The following KCND2 variants were observed in gnomAD, a reference collection of about 807,000 sequenced individuals.
The protein encoded by KCND2 is potassium voltage-gated channel subfamily D member 2, also known as A-type voltage-gated potassium channel KCND2.
KCND2 carries 16 observed loss-of-function variants against 54.4 expected under a neutral mutation model. The observed-to-expected ratio is 0.29, with a 90% CI of 0.20 to 0.45. KCND2 has a LOEUF of 0.45. Ranked by LOEUF, KCND2 falls within the 20% of genes least tolerant of loss-of-function variation. The pLI is 1.00. For missense variants in KCND2, 486 were observed against 824.2 expected (o/e 0.59, Z 5.02); for synonymous variants, 317 against 310.7 (o/e 1.02, Z -0.21).
intron 1 of KCND2, among the ~76,000 whole-genome samples, chr7:120,540,751 C>A (rs1358672343): frequency 6.6e-6 from 1 of 152,030 alleles, no homozygotes; most frequent in African/African-American, 2.4e-5. Context: ...AATAATGGAT[C>A]AAATTTATCA....
chr7:120,461,749 T>TA (rs1195732067), intron 1 of KCND2, among the ~76,000 whole-genome samples: 409 of 151,318 alleles, frequency 2.7e-3, no homozygotes, highest in African/African-American at 8.9e-3. Context: ...TTCATTTTTT[T>TA]AAAAAAAAAC....
chr7:120,559,873 A>G (rs1265291969), intron 1 of KCND2, among the ~76,000 whole-genome samples: 2 of 152,168 alleles, frequency 1.3e-5, no homozygotes, highest in Non-Finnish European at 1.5e-5. Context: ...GCAAGGCCTT[A>G]ATGAATAGTA....
chr7:120,357,213 C>T (rs12706278), intron 1 of KCND2, among the ~76,000 whole-genome samples: 136,296 of 152,168 alleles, frequency 0.9, 61,309 homozygotes, highest in Admixed American at 0.95. Flanking sequence ...AAGCCTCTTT[C>T]ACCTCTAATA....
At chr7:120,391,373 A>G (rs1801074834) in intron 1 of KCND2, among the ~76,000 whole-genome samples, 1 of 152,096 alleles carries the variant, frequency 6.6e-6, no homozygotes, top group African/African-American at 2.4e-5. Flanking sequence ...GCTGCAATAA[A>G]CGTATGTGTG....
chr7:120,523,763 CAAG>C (rs1322514270), intron 1 of KCND2, among the ~76,000 whole-genome samples: 3 of 142,032 alleles, frequency 2.1e-5, no homozygotes, highest in Non-Finnish European at 4.5e-5. Context: ...TTTGGCCTAT[CAAG>C]AATAACAATT....
At chr7:120,654,576 C>T (rs1403188039) in intron 1 of KCND2, among the ~76,000 whole-genome samples, 1 of 152,116 alleles carries the variant, frequency 6.6e-6, no homozygotes, top group African/African-American at 2.4e-5. Context: ...CATAAATATT[C>T]AACAAGATGG....
intron 1 of KCND2, among the ~76,000 whole-genome samples, chr7:120,385,333 G>A (rs577231947): frequency 3.0e-4 from 46 of 151,980 alleles, no homozygotes; most frequent in East Asian, 1.2e-3. Context: ...CCATCATTTC[G>A]TAAAGATGAA....
At chr7:120,697,994 G>A (rs953664364) in intron 1 of KCND2, among the ~76,000 whole-genome samples, 4 of 149,310 alleles carry the variant, frequency 2.7e-5, no homozygotes, top group Non-Finnish European at 5.9e-5. Context: ...ATATTTTAGG[G>A]AAGCATATTT....
intron 4 of KCND2, 33 bp downstream of exon 4, chr7:120,742,635 C>G (rs761934341): frequency 6.7e-7 from 1 of 1,501,338 alleles, no homozygotes; most frequent in East Asian, 2.3e-5. Flanking sequence ...TTCCCTTGCT[C>G]TCTGACAGTA....
At chr7:120,670,351 T>G (rs926183388) in intron 1 of KCND2, among the ~76,000 whole-genome samples, 1 of 152,130 alleles carries the variant, frequency 6.6e-6, no homozygotes, top group Non-Finnish European at 1.5e-5. Context: ...TTATATTTTC[T>G]GCTAGTTGAT....
upstream of KCND2, among the ~76,000 whole-genome samples, chr7:120,273,112 A>G (rs919436716): frequency 1.3e-5 from 2 of 152,042 alleles, no homozygotes; most frequent in Admixed American, 1.3e-4. Flanking sequence ...GTGGAGCGAG[A>G]GGAGCCCGAG....
At chr7:120,663,753 A>C (rs1791893604) in intron 1 of KCND2, among the ~76,000 whole-genome samples, 1 of 152,240 alleles carries the variant, frequency 6.6e-6, no homozygotes, top group African/African-American at 2.4e-5. Context: ...ATACAATTCC[A>C]AAATAATGTC....
intron 1 of KCND2, among the ~76,000 whole-genome samples, chr7:120,658,894 T>C (rs1055776419): frequency 6.6e-6 from 1 of 152,248 alleles, no homozygotes; most frequent in Non-Finnish European, 1.5e-5. Flanking sequence ...GATTGGTCTA[T>C]ACCGGCAGAA....
At position 120,514,117 on chromosome 7, in the gene KCND2, A is replaced by G. The variant is rs546710488; in HGVS notation, c.1116-218786A>G. On this transcript the variant is annotated intron_variant, in intron 1 of 5. Transcript: ENST00000331113. ...TGATATACTGATTTATTTTTTATCTATCACCTACTAATGCTTACAAGGTAT... is the reference window on the plus strand; with the variant it reads ...TGATATACTGATTTATTTTTTATCTGTCACCTACTAATGCTTACAAGGTAT... Among the ~76,000 whole-genome samples the G allele has an allele frequency of 4.6e-5, 7 of 152,194 alleles. No homozygotes were observed. In the South Asian group the frequency reaches 1.5e-3, roughly 32 times the overall value.
intron 1 of KCND2, among the ~76,000 whole-genome samples, chr7:120,496,875 G>A (rs185919401): frequency 6.6e-6 from 1 of 152,208 alleles, no homozygotes; most frequent in Non-Finnish European, 1.5e-5. Flanking sequence ...CCAAGAGTTG[G>A]AATTGCAGAT....
chr7:120,667,326 T>C (rs1791939473), intron 1 of KCND2, among the ~76,000 whole-genome samples: 1 of 152,082 alleles, frequency 6.6e-6, no homozygotes, highest in African/African-American at 2.4e-5. Context: ...TGTAGATACA[T>C]GTACTTACAA....
intron 1 of KCND2, among the ~76,000 whole-genome samples, chr7:120,589,257 A>G (rs933739014): frequency 6.6e-6 from 1 of 152,258 alleles, no homozygotes; most frequent in Non-Finnish European, 1.5e-5. Flanking sequence ...AGGATATGAC[A>G]GATTCACCAT....
At chr7:120,646,276 A>G (rs937288623) in intron 1 of KCND2, among the ~76,000 whole-genome samples, 1 of 152,108 alleles carries the variant, frequency 6.6e-6, no homozygotes, top group Non-Finnish European at 1.5e-5. Context: ...TGGCATTAAC[A>G]TCCTTCTTCT....
At position 120,554,677 on chromosome 7, in the gene KCND2, G is replaced by A. The variant is rs1411126449; in HGVS notation, c.1116-178226G>A. On this transcript the variant is annotated intron_variant, in intron 1 of 5. Transcript: ENST00000331113. ...CCCGCCTCGGCCTCCCAAAGTGCTG[G>A]GATTACAGGCGTGAGCCACCGCGCC... Among the ~76,000 whole-genome samples, 3 of 152,236 alleles carry A rather than the reference G, an allele frequency of 2.0e-5. No homozygotes were observed. In the East Asian group the frequency reaches 5.8e-4, roughly 29 times the overall value.
Sources: gnomAD v4.1 joint callset for allele counts (sites outside exome capture counted in the v4.1 genomes callset) on GRCh38, gnomAD v4.1.1 for gene constraint, MANE v1.5 for transcripts, NCBI Gene and HGNC (gene_info 2026-07-23, HGNC 2026-07-21) for gene names.